GRIN2B: variants seen among roughly 807,000 people sequenced by gnomAD.
The protein encoded by GRIN2B is glutamate receptor ionotropic, NMDA 2B.
GRIN2B carries 5 observed loss-of-function variants against 114.5 expected under a neutral mutation model. The ratio of observed to expected loss-of-function variants is 0.04; its 90% CI spans 0.02 to 0.09. GRIN2B has a LOEUF of 0.09. Ranked by LOEUF, GRIN2B falls within the 10% of genes least tolerant of loss-of-function variation. The pLI is 1.00. For synonymous variants in GRIN2B, 787 were observed against 745.1 expected (o/e 1.06, Z -0.92); for missense variants, 1,108 against 1,943.5 (o/e 0.57, Z 8.08).
chr12:13,789,782 T>C (rs1275450028), intron 3 of GRIN2B, among the ~76,000 whole-genome samples: 1 of 152,162 alleles, frequency 6.6e-6, no homozygotes, highest in Non-Finnish European at 1.5e-5. Flanking sequence ...GAGTCCCCCA[T>C]AACCACTGAT....
intron 10 of GRIN2B, among the ~76,000 whole-genome samples, chr12:13,606,038 T>C (rs1013339702): frequency 6.6e-6 from 1 of 152,092 alleles, no homozygotes; most frequent in East Asian, 1.9e-4. Flanking sequence ...ATACTCTGTG[T>C]GGTACATAGT....
intron 4 of GRIN2B, among the ~76,000 whole-genome samples, chr12:13,692,244 C>T (rs1010329364): frequency 3.9e-5 from 6 of 152,148 alleles, no homozygotes; most frequent in Non-Finnish European, 4.4e-5. Flanking sequence ...AAAATGGAAA[C>T]TATGAAGATA....
At chr12:13,839,093 C>T (rs765034531) in intron 3 of GRIN2B, among the ~76,000 whole-genome samples, 23 of 152,194 alleles carry the variant, frequency 1.5e-4, no homozygotes, top group Non-Finnish European at 2.8e-4. Context: ...CTGTTTATAA[C>T]ACCTACTGAT....
chr12:13,942,196 T>C (rs565641316), intron 2 of GRIN2B, among the ~76,000 whole-genome samples: 1 of 152,308 alleles, frequency 6.6e-6, no homozygotes, highest in East Asian at 1.9e-4. Flanking sequence ...GGGATTAGCA[T>C]CATTTGCCAG....
At chr12:13,972,382 C>T (rs1208943504) in intron 2 of GRIN2B, among the ~76,000 whole-genome samples, 1 of 152,094 alleles carries the variant, frequency 6.6e-6, no homozygotes, top group Admixed American at 6.6e-5. Flanking sequence ...CAGAATAAAG[C>T]AACACAAGCA....
At chr12:13,639,854 C>CCTTT (rs1323956065) in intron 5 of GRIN2B, among the ~76,000 whole-genome samples, 2 of 151,918 alleles carry the variant, frequency 1.3e-5, no homozygotes, top group Non-Finnish European at 2.9e-5. Context: ...TCTCTCCATC[C>CCTTT]CTTTCCCTTA....
chr12:13,720,256 C>G (rs1950495320), intron 4 of GRIN2B, among the ~76,000 whole-genome samples: 1 of 152,004 alleles, frequency 6.6e-6, no homozygotes, highest in Non-Finnish European at 1.5e-5. Context: ...CTGGCATATT[C>G]AACCAAGCAG....
At chr12:13,702,426 G>C (rs1950321267) in intron 4 of GRIN2B, among the ~76,000 whole-genome samples, 1 of 152,106 alleles carries the variant, frequency 6.6e-6, no homozygotes, top group African/African-American at 2.4e-5. Flanking sequence ...TTTCTGGTCT[G>C]GCCTTATTAT....
intron 2 of GRIN2B, among the ~76,000 whole-genome samples, chr12:13,929,712 A>C (rs1203307690): frequency 6.6e-6 from 1 of 152,156 alleles, no homozygotes; most frequent in Admixed American, 6.5e-5. Context: ...TTTGAATCTG[A>C]GCTTTACCAT....
chr12:13,803,234 T>A (rs912328485), intron 3 of GRIN2B, among the ~76,000 whole-genome samples: 1 of 152,184 alleles, frequency 6.6e-6, no homozygotes, highest in Non-Finnish European at 1.5e-5. Context: ...AACAGTAGGC[T>A]GTTAGTAGTT....
chr12:13,588,306 G>C (rs922047806), intron 10 of GRIN2B, among the ~76,000 whole-genome samples: 2 of 152,166 alleles, frequency 1.3e-5, no homozygotes, highest in Admixed American at 6.5e-5. Context: ...TCCATCACTA[G>C]GCAGGTGAGA....
chr12:13,639,634 C>T (rs1358894687), intron 5 of GRIN2B, among the ~76,000 whole-genome samples: 1 of 152,100 alleles, frequency 6.6e-6, no homozygotes, highest in African/African-American at 2.4e-5. Context: ...ATTGGAAAAG[C>T]ATAATGTGCC....
At chr12:13,666,375 G>A (rs1949975767) in intron 5 of GRIN2B, among the ~76,000 whole-genome samples, 1 of 152,116 alleles carries the variant, frequency 6.6e-6, no homozygotes, top group South Asian at 2.1e-4. Flanking sequence ...GAGGGAGGGT[G>A]GAAGGAAAGT....
At chr12:13,858,641 G>A (rs973810246) in intron 3 of GRIN2B, among the ~76,000 whole-genome samples, 4 of 151,900 alleles carry the variant, frequency 2.6e-5, no homozygotes, top group African/African-American at 4.8e-5. Flanking sequence ...CTAGTACCAC[G>A]AATATTTTCT....
rs1243474122 is a variant in GRIN2B at position 13,555,585 on chromosome 12, AGAG to A, written c.*7195_*7197del. On this transcript the variant is annotated 3_prime_UTR_variant, in exon 14 of 14. Coordinates refer to ENST00000609686, the MANE Select transcript of GRIN2B (RefSeq NM_000834.5). ...ACAATTGGCTGGAGAGCACCTCAGA[AGAG>A]GTCAGAGCATAGGGAAGAGGAGCAC... The A allele has an allele frequency of 1.3e-5, 2 of 152,244 alleles. No individual in the cohort carries two copies. The highest frequency in any genetic ancestry group is 4.8e-5 in the African/African-American group (2 of 41,456). The allele number at this position is 152,244 out of a possible 1,614,324, so 9.4% of individuals were successfully genotyped here. A position where few individuals can be genotyped will look rare whatever the true frequency, so the allele number is the denominator to read the frequency against.
At chr12:13,617,193 G>C (rs1013398514) in intron 5 of GRIN2B, among the ~76,000 whole-genome samples, 3 of 152,236 alleles carry the variant, frequency 2.0e-5, no homozygotes, top group African/African-American at 7.2e-5. Context: ...AGTGGGGAGA[G>C]CTAGGTGGAT....
intron 2 of GRIN2B, among the ~76,000 whole-genome samples, chr12:13,931,814 C>A (rs535327463): frequency 6.6e-6 from 1 of 152,118 alleles, no homozygotes; most frequent in African/African-American, 2.4e-5. Flanking sequence ...ATGCAACCTC[C>A]GCAAGTTAAG....
chr12:13,569,556 C>T (rs952313102), intron 12 of GRIN2B, among the ~76,000 whole-genome samples: 1 of 152,094 alleles, frequency 6.6e-6, no homozygotes, highest in Non-Finnish European at 1.5e-5. Flanking sequence ...CCTTGCAGAC[C>T]CCGGAAGAGA....
intron 10 of GRIN2B, among the ~76,000 whole-genome samples, chr12:13,604,196 G>C (rs929164220): frequency 6.6e-6 from 1 of 151,746 alleles, no homozygotes; most frequent in Non-Finnish European, 1.5e-5. Context: ...ACGTACAGTC[G>C]GGTTGCTGAA....
Sources: allele counts gnomAD v4.1 joint callset (sites outside exome capture counted in the v4.1 genomes callset), GRCh38; gene constraint gnomAD v4.1.1; transcripts MANE v1.5; gene names NCBI Gene and HGNC (gene_info 2026-07-23, HGNC 2026-07-21).